Variants in MIA observed in about 807,000 individuals in gnomAD.
The protein encoded by MIA is melanoma-derived growth regulatory protein.
MIA carries 18 observed loss-of-function variants against 18.5 expected under a neutral mutation model. That is an observed-to-expected ratio of 0.97 (90% CI 0.67 to 1.44). The LOEUF (loss-of-function observed/expected upper bound fraction) is 1.44, where lower values mean the gene tolerates loss of function less well. Ranked by LOEUF, MIA falls within the 40% of genes most tolerant of loss-of-function variation. The pLI, the probability that MIA is intolerant of heterozygous loss-of-function variation, is 0.00. For missense variants in MIA, 158 were observed against 172.4 expected (o/e 0.92, Z 0.47); for synonymous variants, 55 against 64.9 (o/e 0.85, Z 0.74).
At chr19:40,776,068 C>T (rs1038335606) in intron 2 of MIA, among the ~76,000 whole-genome samples, 183 bp downstream of exon 2, 10 of 151,974 alleles carry the variant, frequency 6.6e-5, no homozygotes, top group Non-Finnish European at 2.9e-5. Context: ...GCTCTGTCAC[C>T]CAGGCTGGAG....
In MIA at chr19:40,777,390, T is replaced by G. The variant is rs749112685; in HGVS notation, c.373-7T>G. 10 of 1,613,954 alleles carry G rather than the reference T, an allele frequency of 6.2e-6. No homozygotes were observed. The Admixed American group carries it at 1.7e-4, about 27-fold the overall frequency. On this transcript the variant is annotated splice_polypyrimidine_tract_variant and splice_region_variant and intron_variant, in intron 3 of 3. Coordinates refer to ENST00000263369, the MANE Select transcript of MIA (RefSeq NM_006533.4). ...TCTTTCCACTGTTTCCCCTTTCTCT[T>G]TTTCAGAAATGGGATTTCTACTGCC...
At chr19:40,775,962 A>T in intron 2 of MIA, 77 bp downstream of exon 2, 1 of 1,544,576 alleles carries the variant, frequency 6.5e-7, no homozygotes, top group Non-Finnish European at 8.8e-7. Context: ...GGAAGATTTG[A>T]GGGGGGTGAA....
chr19:40,775,916 G>T, intron 2 of MIA, 31 bp downstream of exon 2: 2 of 1,612,584 alleles, frequency 1.2e-6, no homozygotes, highest in Non-Finnish European at 1.7e-6. Flanking sequence ...AGAGGGAAGG[G>T]TACAGAGCTG....
chr19:40,775,688 G>T lies in MIA; in HGVS notation c.127+19G>T, dbSNP rs1043890090. 12 of 1,614,064 alleles carry T rather than the reference G, an allele frequency of 7.4e-6. No individual in the cohort carries two copies. Among genetic ancestry groups the T allele is most frequent in the Non-Finnish European group, 1.0e-5 (12 of 1,180,038 alleles). ...TGCAGCCGTAAGAATGGGGAGGGGA[G>T]AATTGGGGGCTTGGGCGTTAGCCTG... On this transcript the variant is annotated intron_variant, in intron 1 of 3. Transcript: ENST00000263369.
intron 1 of MIA, 25 bp from the exon 2 acceptor site, chr19:40,775,727 G>A (rs1485812875): frequency 6.2e-7 from 1 of 1,614,102 alleles, no homozygotes; most frequent in Non-Finnish European, 8.5e-7. Flanking sequence ...GGAGGGTGCT[G>A]CATTCCCTTC....
chr19:40,775,995 A>T (rs1473979374), intron 2 of MIA, 110 bp downstream of exon 2: 2 of 1,341,156 alleles, frequency 1.5e-6, no homozygotes, highest in East Asian at 4.9e-5. Flanking sequence ...TTGTGGGGGG[A>T]TATTGTTACT....
upstream of MIA, chr19:40,775,164 A>C: frequency 5.3e-6 from 1 of 189,100 alleles, no homozygotes; most frequent in South Asian, 1.1e-4. Flanking sequence ...GGTTTTCTTT[A>C]CAGGCTCCTC....
chr19:40,776,034 T>A, intron 2 of MIA, 149 bp downstream of exon 2: 2 of 1,221,140 alleles, frequency 1.6e-6, no homozygotes, highest in South Asian at 1.7e-5. Flanking sequence ...TATTATTTTT[T>A]AATTTTTTCC....
At position 40,777,068 on chromosome 19, in the gene MIA, G is replaced by A; in HGVS notation, c.361G>A (p.Val121Met). The change falls in exon 3 of 4, where the codon GTG (valine) becomes ATG (methionine). Residue 121 changes from valine to methionine, a missense_variant. Coordinates refer to ENST00000263369, the MANE Select transcript of MIA (RefSeq NM_006533.4). Reference protein sequence around the residue: ...DQTLKPGKVDVKTDKWDFYCQ With the variant: ...DQTLKPGKVDMKTDKWDFYCQ ...GACCCTGAAACCTGGCAAAGTCGAT[G>A]TGAAGACAGACGTGAGTGTCATGGG... 6.2e-7 allele frequency: 1 copy of A among 1,612,430 alleles called. No individual in the cohort carries two copies. Among genetic ancestry groups the A allele is most frequent in the Non-Finnish European group, 8.5e-7 (1 of 1,179,512 alleles).
In MIA at chr19:40,775,549, C is replaced by G. The variant is rs371769033; in HGVS notation, c.7C>G (p.Arg3Gly). 8 of 1,614,100 alleles carry G rather than the reference C, an allele frequency of 5.0e-6. No homozygotes were observed. Among genetic ancestry groups the G allele is most frequent in the Non-Finnish European group, 6.8e-6 (8 of 1,180,018 alleles). Residue 3 changes from arginine to glycine, a missense_variant, in exon 1 of 4, where the codon CGG becomes GGG. Coordinates refer to ENST00000263369, the MANE Select transcript of MIA (RefSeq NM_006533.4). ...CTCTTGCTCACAGTCCACGATGGCCCGGTCCCTGGTGTGCCTTGGTGTCAT... is the reference window on the plus strand; with the variant it reads ...CTCTTGCTCACAGTCCACGATGGCCGGGTCCCTGGTGTGCCTTGGTGTCAT... Reference protein sequence around the residue: MARSLVCLGVIIL... With the variant: MAGSLVCLGVIIL...
At chr19:40,775,277 A>G (rs2082987594), upstream of MIA, 3 of 492,822 alleles carry the variant, frequency 6.1e-6, no homozygotes, top group South Asian at 8.2e-5. Flanking sequence ...GGCCTCTGTG[A>G]TTGTTGAGGA....
chr19:40,776,162 G>A (rs1471995478), intron 2 of MIA, among the ~76,000 whole-genome samples: 3 of 152,068 alleles, frequency 2.0e-5, no homozygotes, highest in Non-Finnish European at 1.5e-5. Flanking sequence ...AAGTACCTGG[G>A]ATTACAGGCA....
At chr19:40,776,929 C>A in intron 2 of MIA, 40 bp from the exon 3 acceptor site, 1 of 1,454,270 alleles carries the variant, frequency 6.9e-7, no homozygotes, top group Middle Eastern at 1.8e-4. Context: ...CACAAGCTTG[C>A]CATCTTCCCA....
intron 2 of MIA, 107 bp from the exon 3 acceptor site, chr19:40,776,862 G>A (rs2083000751): frequency 1.4e-6 from 1 of 710,626 alleles, no homozygotes; most frequent in South Asian, 1.7e-5. Context: ...ATATGACAAG[G>A]ATGGAGCAGT....
exon 1 of MIA, chr19:40,775,517 GCTCA>G (rs751397328): frequency 5.3e-5 from 86 of 1,613,474 alleles, no homozygotes; most frequent in Non-Finnish European, 7.1e-5. Flanking sequence ...GCACCCCCTT[GCTCA>G]CTCTCTTGCT....
intron 2 of MIA, 100 bp downstream of exon 2, chr19:40,775,985 T>A: frequency 7.4e-7 from 1 of 1,345,074 alleles, no homozygotes. Context: ...GAAATAGACA[T>A]TGTGGGGGGA....
intron 2 of MIA, among the ~76,000 whole-genome samples, chr19:40,776,448 C>T (rs183992949): frequency 9.5e-4 from 145 of 151,970 alleles, no homozygotes; most frequent in African/African-American, 3.3e-3. Flanking sequence ...AAAAGCAAGG[C>T]ATAAAAAATA....
At chr19:40,776,883 T>A in intron 2 of MIA, 86 bp from the exon 3 acceptor site, 1 of 861,774 alleles carries the variant, frequency 1.2e-6, no homozygotes, top group Non-Finnish European at 1.9e-6. Context: ...TATGTGGAGA[T>A]CAGGGAGAAG....
chr19:40,775,657 C>G lies in MIA; in HGVS notation c.115C>G (p.Gln39Glu). Residue 39 changes from glutamine (Q) to glutamate (E), a missense_variant, in exon 1 of 4, where the codon CAG becomes GAG. Physicochemically the swap from Gln to Glu is conservative, Grantham distance 29 (BLOSUM62 2). Coordinates refer to ENST00000263369, the MANE Select transcript of MIA (RefSeq NM_006533.4). ...KLADRKLCAD[Q>E]ECSHPISMAV... ...GGCTGACCGGAAGCTGTGTGCGGACCAGGAGTGCAGCCGTAAGAATGGGGA... is the reference window on the plus strand; with the variant it reads ...GGCTGACCGGAAGCTGTGTGCGGACGAGGAGTGCAGCCGTAAGAATGGGGA... 5 of 1,614,126 alleles carry G rather than the reference C, an allele frequency of 3.1e-6. No homozygotes were observed. The East Asian group carries it at 6.7e-5, about 22-fold the overall frequency.
Sources: allele counts gnomAD v4.1 joint callset (sites outside exome capture counted in the v4.1 genomes callset), GRCh38; gene constraint gnomAD v4.1.1; transcripts MANE v1.5; gene names NCBI Gene and HGNC (gene_info 2026-07-23, HGNC 2026-07-21).